The following NPEPL1 variants were observed in gnomAD, a reference collection of about 807,000 sequenced individuals.
NPEPL1 encodes the protein probable aminopeptidase NPEPL1.
NPEPL1 carries 45 observed loss-of-function variants against 52.4 expected under a neutral mutation model. The ratio of observed to expected loss-of-function variants is 0.86; its 90% CI spans 0.68 to 1.10. The LOEUF is 1.10. NPEPL1 is among the 50% of genes least tolerant of loss of function. NPEPL1 has a pLI of 0.00. For synonymous variants in NPEPL1, 360 were observed against 314.7 expected (o/e 1.14, Z -1.52); for missense variants, 696 against 710.9 (o/e 0.98, Z 0.24).
At chr20:58,714,472 A>G in intron 10 of NPEPL1, 88 bp from the exon 11 acceptor site, 3 of 962,814 alleles carry the variant, frequency 3.1e-6, no homozygotes, top group South Asian at 1.7e-5. Context: ...AGCTCCTTGC[A>G]GACAGCAATA....
At chr20:58,691,511 G>A (rs747760925), upstream of NPEPL1, 33 of 668,938 alleles carry the variant, frequency 4.9e-5, no homozygotes, top group Non-Finnish European at 8.0e-5. Context: ...AAGGGGCCAG[G>A]GACCATGGCT....
intron 3 of NPEPL1, among the ~76,000 whole-genome samples, chr20:58,698,329 C>T (rs1253434221): frequency 6.6e-6 from 1 of 151,948 alleles, no homozygotes; most frequent in South Asian, 2.1e-4. Context: ...CAGGGGCTGG[C>T]ATGAGGGCCA....
At position 58,713,887 on chromosome 20, in the gene NPEPL1, C is replaced by T; in HGVS notation, c.1126-30C>T. On this transcript the variant is annotated intron_variant, in intron 9 of 11. Transcript: ENST00000356091. The surrounding 1 kb of genome is among the most constrained non-coding windows in gnomAD (Gnocchi z 4.6). ...GGTGTTTCTCTCCTGCCGTCCCGTC[C>T]ACACGCTTCCCGGGTTCCTGCCCGC... is the stretch of plus-strand genomic sequence containing the variant. The T allele has an allele frequency of 6.9e-7, 1 of 1,440,184 alleles. No individual in the cohort carries two copies. The highest frequency in any genetic ancestry group is 9.1e-7 in the Non-Finnish European group (1 of 1,100,086). 89.2% of individuals were successfully genotyped at this position (1,440,184 alleles called of 1,614,324 possible).
intron 6 of NPEPL1, chr20:58,703,947 G>A (rs1601116991): frequency 1.0e-6 from 1 of 985,248 alleles, no homozygotes; most frequent in Non-Finnish European, 1.2e-6. Flanking sequence ...GGAAGAGCTG[G>A]GTGTTCTGGC....
At chr20:58,693,655 T>C in intron 1 of NPEPL1, 82 bp from the exon 2 acceptor site, 3 of 1,288,008 alleles carry the variant, frequency 2.3e-6, no homozygotes, top group Non-Finnish European at 3.3e-6. Flanking sequence ...GGAGTGGTTG[T>C]GGCCGTGGCT....
In NPEPL1 at chr20:58,712,562, C is replaced by G. The variant is rs1173759237; in HGVS notation, c.984C>G (p.His328Gln). The G allele has an allele frequency of 6.2e-7, 1 of 1,612,720 alleles. No individual in the cohort carries two copies. The change falls in exon 8 of 12, where the codon CAC (histidine) becomes CAG (glutamine). Residue 328 changes from histidine to glutamine, a missense_variant. His to Gln is a conservative substitution (Grantham distance 24, BLOSUM62 0). Coordinates refer to ENST00000356091, the MANE Select transcript of NPEPL1 (RefSeq NM_024663.4). ...ATGCGACAAGGCCAGATGACATCCACCTGCTGTACTCAGGGAAGTACGTCT... is the reference window on the plus strand; with the variant it reads ...ATGCGACAAGGCCAGATGACATCCAGCTGCTGTACTCAGGGAAGTACGTCT... ...GPNATRPDDI[H>Q]LLYSGKTVEI... is the part of the protein sequence containing the mutation.
At chr20:58,694,827 C>T (rs1467748075) in intron 3 of NPEPL1, among the ~76,000 whole-genome samples, 1 of 152,228 alleles carries the variant, frequency 6.6e-6, no homozygotes, top group Non-Finnish European at 1.5e-5. Flanking sequence ...GTTTGTTGAG[C>T]ACGTAATCAG....
At chr20:58,694,352 A>T in intron 2 of NPEPL1, 70 bp from the exon 3 acceptor site, 1 of 1,481,080 alleles carries the variant, frequency 6.8e-7, no homozygotes, top group Non-Finnish European at 9.0e-7. Flanking sequence ...GGAGGCGTTC[A>T]AAGAGCAGCT....
Position 58,713,911 on chromosome 20 carries a change from G to T in NPEPL1, c.1126-6G>T. ...CCACACGCTTCCCGGGTTCCTGCCC[G>T]CCCAGGGCATTGCCACAGGGAAGTA... On this transcript the variant is annotated splice_polypyrimidine_tract_variant and splice_region_variant and intron_variant, in intron 9 of 11. Transcript: ENST00000356091. The surrounding 1 kb of genome is among the most constrained non-coding windows in gnomAD (Gnocchi z 4.6). 1 of 1,462,190 alleles carries T rather than the reference G, an allele frequency of 6.8e-7. No homozygotes were observed. The highest frequency in any genetic ancestry group is 9.0e-7 in the Non-Finnish European group (1 of 1,110,080). The allele number at this position is 1,462,190 out of a possible 1,614,324, so 90.6% of individuals were successfully genotyped here.
chr20:58,700,101 C>T (rs1257143559), intron 5 of NPEPL1, among the ~76,000 whole-genome samples: 3 of 152,238 alleles, frequency 2.0e-5, no homozygotes, highest in Non-Finnish European at 4.4e-5. Flanking sequence ...GCAGCAGGTC[C>T]TTGCTGTTTG....
chr20:58,696,454 G>A (rs906000017), intron 3 of NPEPL1, among the ~76,000 whole-genome samples: 14 of 152,238 alleles, frequency 9.2e-5, no homozygotes, highest in Non-Finnish European at 2.1e-4. Context: ...ACCTGGTCTT[G>A]TGCACAGTGA....
intron 8 of NPEPL1, 99 bp downstream of exon 8, chr20:58,712,678 T>G: frequency 1.1e-6 from 1 of 893,192 alleles, no homozygotes. Flanking sequence ...GGGAGGGCAC[T>G]CAGCGTTGGG....
At chr20:58,712,636 G>C (rs200963323) in intron 8 of NPEPL1, 57 bp downstream of exon 8, 4 of 1,221,626 alleles carry the variant, frequency 3.3e-6, no homozygotes, top group Non-Finnish European at 3.6e-6. Flanking sequence ...GACCCTTCCC[G>C]GCCTGCAATG....
chr20:58,714,480 A>G, intron 10 of NPEPL1, 80 bp from the exon 11 acceptor site: 4 of 1,042,946 alleles, frequency 3.8e-6, no homozygotes, highest in East Asian at 2.7e-5. Flanking sequence ...GCAGACAGCA[A>G]TAGTGACAGG....
intron 1 of NPEPL1, 86 bp from the exon 2 acceptor site, chr20:58,693,651 G>A: frequency 8.0e-7 from 1 of 1,252,878 alleles, no homozygotes. Context: ...TGCAGGAGTG[G>A]TTGTGGCCGT....
chr20:58,709,559 C>G (rs560684876), intron 7 of NPEPL1, among the ~76,000 whole-genome samples: 147 of 152,292 alleles, frequency 9.7e-4, no homozygotes, highest in African/African-American at 3.4e-3. Context: ...GGGAAGAGGA[C>G]AGTCAAATGC....
At position 58,715,378 on chromosome 20, in the gene NPEPL1, G is replaced by A. The variant is rs1040592799; in HGVS notation, c.*52G>A. 3 of 1,494,486 alleles carry A rather than the reference G, an allele frequency of 2.0e-6. No homozygotes were observed. The highest frequency in any genetic ancestry group is 2.4e-5 in the Admixed American group (1 of 40,996). The allele number at this position is 1,494,486 out of a possible 1,614,324, so 92.6% of individuals were successfully genotyped here. A position where few individuals can be genotyped will look rare whatever the true frequency, so the allele number is the denominator to read the frequency against. On this transcript the variant is annotated 3_prime_UTR_variant, in exon 12 of 12. Transcript: ENST00000356091. ...GGGATCTTTTACCTCACTTTGCACT[G>A]ATTAATTTTAAGCAATTGAAAGATT...
At chr20:58,704,263 C>A (rs1219023770) in intron 6 of NPEPL1, 1 of 983,788 alleles carries the variant, frequency 1.0e-6, no homozygotes, top group East Asian at 1.2e-4. Flanking sequence ...CCGGCTGGAG[C>A]CAGCCCAGCT....
At chr20:58,693,118 CCCCGCCTCG>C in intron 1 of NPEPL1, 68 bp downstream of exon 1, 1 of 957,018 alleles carries the variant, frequency 1.0e-6, no homozygotes, top group African/African-American at 1.8e-5. Context: ...CCCGCGGAGG[CCCCGCCTCG>C]CCCGCCGCAC....
Sources: allele counts gnomAD v4.1 joint callset (sites outside exome capture counted in the v4.1 genomes callset), GRCh38; gene constraint gnomAD v4.1.1; non-coding constraint Gnocchi (gnomAD v3.1); transcripts MANE v1.5; gene names NCBI Gene and HGNC (gene_info 2026-07-23, HGNC 2026-07-21).